The following LRRC69 variants were observed in gnomAD, a reference collection of about 807,000 sequenced individuals.
LRRC69 encodes the protein leucine-rich repeat-containing protein 69.
Under a neutral mutation model 37.8 loss-of-function variants are expected in LRRC69, and 42 were observed. The ratio of observed to expected loss-of-function variants is 1.11; its 90% CI spans 0.87 to 1.44. The LOEUF (loss-of-function observed/expected upper bound fraction) is 1.44, where lower values mean the gene tolerates loss of function less well. LRRC69 is among the 40% of genes most tolerant of loss of function. The pLI, the probability that LRRC69 is intolerant of heterozygous loss-of-function variation, is 0.00. For synonymous variants in LRRC69, 141 were observed against 143.1 expected, an observed-to-expected ratio of 0.99 and a Z score of 0.11; for missense variants, 357 against 401.9, an observed-to-expected ratio of 0.89 and a Z score of 0.96.
At chr8:91,134,325 C>T (rs940223110) in intron 4 of LRRC69, among the ~76,000 whole-genome samples, 1 of 151,510 alleles carries the variant, frequency 6.6e-6, no homozygotes, top group African/African-American at 2.4e-5. Flanking sequence ...GTGTAATTCT[C>T]AGTTGGAGGT....
intron 5 of LRRC69, chr8:91,158,107 A>G: frequency 6.5e-7 from 1 of 1,548,322 alleles, no homozygotes; most frequent in East Asian, 2.3e-5. Flanking sequence ...AGAGTTCTAC[A>G]TTTATTCCAG....
intron 1 of LRRC69, among the ~76,000 whole-genome samples, chr8:91,115,216 GAGA>G (rs1292855439): frequency 3.3e-5 from 5 of 152,054 alleles, no homozygotes; most frequent in Non-Finnish European, 5.9e-5. Flanking sequence ...TACGCACACA[GAGA>G]AGAAGTTACA....
chr8:91,158,172 C>G, intron 5 of LRRC69: 1 of 1,604,096 alleles, frequency 6.2e-7, no homozygotes, highest in Middle Eastern at 1.7e-4. Context: ...AGATCTGGAG[C>G]TGGAACAGAG....
At chr8:91,138,911 A>G (rs889625050) in intron 5 of LRRC69, 1 of 151,842 alleles carries the variant, frequency 6.6e-6, no homozygotes, top group Non-Finnish European at 1.5e-5. Context: ...CAAACCACCA[A>G]AAAAATTAGC....
chr8:91,175,316 T>C (rs766161097), intron 5 of LRRC69, among the ~76,000 whole-genome samples: 9 of 152,140 alleles, frequency 5.9e-5, no homozygotes, highest in Admixed American at 3.9e-4. Context: ...CCTGTTACAC[T>C]TAAATGCAGC....
intron 5 of LRRC69, among the ~76,000 whole-genome samples, chr8:91,155,403 ATACAATGAGTAATGAT>A (rs1808816081): frequency 6.6e-6 from 1 of 150,940 alleles, no homozygotes; most frequent in Non-Finnish European, 1.5e-5. Context: ...TTATACATAT[ATACAATGAGTAATGAT>A]TGAATCAGAG....
At chr8:91,186,341 A>T (rs72666049) in intron 5 of LRRC69, among the ~76,000 whole-genome samples, 2,145 of 152,288 alleles carry the variant, frequency 0.014, 29 homozygotes, top group Middle Eastern at 0.024. Context: ...ACCAGGCCCA[A>T]TGAGGAGACA....
chr8:91,105,559 T>C (rs907422796), intron 1 of LRRC69, among the ~76,000 whole-genome samples: 1 of 150,890 alleles, frequency 6.6e-6, no homozygotes, highest in African/African-American at 2.4e-5. Context: ...GGCACGTGCC[T>C]CTGGTCCCAG....
chr8:91,197,011 T>C (rs1487615491), intron 6 of LRRC69, among the ~76,000 whole-genome samples: 3 of 151,198 alleles, frequency 2.0e-5, no homozygotes, highest in East Asian at 1.9e-4. Context: ...GATGTACAGA[T>C]GGGTTTTTGG....
At chr8:91,192,699 T>G (rs927226766) in intron 6 of LRRC69, among the ~76,000 whole-genome samples, 2 of 152,190 alleles carry the variant, frequency 1.3e-5, no homozygotes, top group African/African-American at 4.8e-5. Flanking sequence ...GGTTGTTTGT[T>G]TTTTTCTTGT....
intron 5 of LRRC69, among the ~76,000 whole-genome samples, chr8:91,187,926 G>A (rs1056087937): frequency 6.6e-6 from 1 of 152,080 alleles, no homozygotes; most frequent in African/African-American, 2.4e-5. Flanking sequence ...TGATCTCTCT[G>A]TATTGGTTTT....
chr8:91,189,634 A>C lies in LRRC69; in HGVS notation c.753+11A>C. On this transcript the variant is annotated intron_variant, in intron 6 of 7. Coordinates refer to ENST00000448384, the Ensembl canonical transcript of LRRC69. ...GTCTGGAGTCTACAGGTGAAGACTTACCTCATTAACTTAAGTCTTCAAACT... is the reference window on the plus strand; with the variant it reads ...GTCTGGAGTCTACAGGTGAAGACTTCCCTCATTAACTTAAGTCTTCAAACT... 1 of 1,478,044 alleles carries C rather than the reference A, an allele frequency of 6.8e-7. No individual in the cohort carries two copies. The highest frequency in any genetic ancestry group is 9.1e-7 in the Non-Finnish European group (1 of 1,094,066). The allele number at this position is 1,478,044 out of a possible 1,614,324, so 91.6% of individuals were successfully genotyped here.
chr8:91,137,597 G>A lies in LRRC69; in HGVS notation c.651+1858G>A, dbSNP rs1808444000. Among the ~76,000 whole-genome samples the A allele has an allele frequency of 1.3e-5, 2 of 151,946 alleles. 1 individual carries two copies. The highest frequency in any genetic ancestry group is 1.3e-4 in the Admixed American group (2 of 15,246). On this transcript the variant is annotated intron_variant, in intron 5 of 7. Coordinates refer to ENST00000448384, the Ensembl canonical transcript of LRRC69. ...AAGTGATTCTGTACTTAACAATTTTGATAAAACATAATTACTTAGGTCCCA... is the reference window on the plus strand; with the variant it reads ...AAGTGATTCTGTACTTAACAATTTTAATAAAACATAATTACTTAGGTCCCA...
At chr8:91,201,904 C>A (rs1218095712) in intron 7 of LRRC69, among the ~76,000 whole-genome samples, 1 of 152,060 alleles carries the variant, frequency 6.6e-6, no homozygotes, top group African/African-American at 2.4e-5. Context: ...AACTAGGTGG[C>A]TTAAAACAAG....
intron 5 of LRRC69, chr8:91,158,539 CTG>C: frequency 8.7e-7 from 1 of 1,142,920 alleles, no homozygotes. Context: ...GACTTACACA[CTG>C]TACATTTTCA....
intron 5 of LRRC69, among the ~76,000 whole-genome samples, chr8:91,186,126 C>T (rs1809403983): frequency 1.3e-5 from 2 of 152,116 alleles, no homozygotes; most frequent in Admixed American, 6.6e-5. Flanking sequence ...CAGGGAGAAG[C>T]GAATGTGTCT....
chr8:91,179,162 C>A (rs926986647), intron 5 of LRRC69, among the ~76,000 whole-genome samples: 4 of 152,148 alleles, frequency 2.6e-5, no homozygotes, highest in African/African-American at 9.7e-5. Context: ...TAAATAAATA[C>A]CTGAACCTGG....
At chr8:91,127,557 T>C (rs944834577) in intron 3 of LRRC69, among the ~76,000 whole-genome samples, 3 of 132,438 alleles carry the variant, frequency 2.3e-5, no homozygotes, top group Non-Finnish European at 4.6e-5. Context: ...AAAACTGCAA[T>C]GTCATTTTCG....
chr8:91,190,007 CTG>C (rs1325081481), intron 6 of LRRC69, among the ~76,000 whole-genome samples: 1 of 152,168 alleles, frequency 6.6e-6, no homozygotes, highest in Non-Finnish European at 1.5e-5. Context: ...GATCCAGAAA[CTG>C]TGTTCACTTC....
Sources: allele counts gnomAD v4.1 joint callset (sites outside exome capture counted in the v4.1 genomes callset), GRCh38; gene constraint gnomAD v4.1.1; transcripts MANE v1.5; gene names NCBI Gene and HGNC (gene_info 2026-07-23, HGNC 2026-07-21).